ESYT2: variants seen among roughly 807,000 people sequenced by gnomAD.
The protein encoded by ESYT2 is extended synaptotagmin 2, also known as extended synaptotagmin-2.
A neutral mutation model predicts 107.2 loss-of-function variants in ESYT2; 54 were observed. That is an observed-to-expected ratio of 0.50 (90% CI 0.40 to 0.63). ESYT2 has a LOEUF of 0.63. Ranked by LOEUF, ESYT2 falls within the 30% of genes least tolerant of loss-of-function variation. The pLI is 0.00. For synonymous variants in ESYT2, 491 were observed against 434.1 expected, an observed-to-expected ratio of 1.13 and a Z score of -1.63; for missense variants, 1,020 against 1,094.5, an observed-to-expected ratio of 0.93 and a Z score of 0.96.
chr7:158,828,835 G>A (rs1472865414), intron 1 of ESYT2, among the ~76,000 whole-genome samples: 2 of 151,430 alleles, frequency 1.3e-5, no homozygotes, highest in African/African-American at 2.4e-5. Context: ...GGCGGGGCGG[G>A]GTCTGCACTC....
In ESYT2 at chr7:158,797,867, A is replaced by AG. The variant is rs893340757; in HGVS notation, c.507+74_507+75insC. 12 of 1,559,312 alleles carry AG rather than the reference A, an allele frequency of 7.7e-6. No individual in the cohort carries two copies. The African/African-American group carries it at 1.5e-4, about 20-fold the overall frequency. ...AGACTCCGTCTCAAGAAAAAAAAAA[A>AG]AAGAAAATGTGTTGTTTTGTGTTTT... On this transcript the variant is annotated intron_variant, in intron 3 of 22. Transcript: ENST00000275418.
chr7:158,761,115 C>T (rs572464037), intron 11 of ESYT2, among the ~76,000 whole-genome samples: 136 of 152,260 alleles, frequency 8.9e-4, no homozygotes, highest in African/African-American at 3.2e-3. Flanking sequence ...CCTCACTGGC[C>T]GCACTGTGCC....
chr7:158,786,573 C>T (rs1390452934), intron 6 of ESYT2, among the ~76,000 whole-genome samples: 3 of 152,086 alleles, frequency 2.0e-5, no homozygotes, highest in Admixed American at 1.3e-4. Flanking sequence ...CAAAATAAGC[C>T]CATTCTTTCA....
chr7:158,791,922 G>A (rs916651483), intron 4 of ESYT2, among the ~76,000 whole-genome samples: 8 of 151,724 alleles, frequency 5.3e-5, no homozygotes, highest in Middle Eastern at 3.4e-3. Flanking sequence ...ATCCATTAAG[G>A]TAGAATGTTT....
chr7:158,799,251 C>T (rs1325809719), intron 1 of ESYT2, among the ~76,000 whole-genome samples, 179 bp from the exon 2 acceptor site: 1 of 152,142 alleles, frequency 6.6e-6, no homozygotes, highest in African/African-American at 2.4e-5. Context: ...TGCATGGCAC[C>T]CCAGCTCTTT....
rs2129471014 is a variant in ESYT2, at chr7:158,733,080, G to C, written c.*1127C>G. The C allele has an allele frequency of 6.6e-6, 1 of 152,382 alleles. No homozygotes were observed. Among genetic ancestry groups the C allele is most frequent in the East Asian group, 1.9e-4 (1 of 5,190 alleles). 9.4% of individuals were successfully genotyped at this position (152,382 alleles called of 1,614,324 possible). On this transcript the variant is annotated 3_prime_UTR_variant, in exon 23 of 23. Coordinates refer to ENST00000275418, the MANE Select transcript of ESYT2 (RefSeq NM_001367773.1). ...AGGCAGCCTGGGAAGTGGCTGCTGA[G>C]AACAGCAGGGGCCGGGCTCGCAGCT...
At chr7:158,802,741 T>C (rs902390052) in intron 1 of ESYT2, among the ~76,000 whole-genome samples, 10 of 152,224 alleles carry the variant, frequency 6.6e-5, no homozygotes, top group African/African-American at 2.4e-4. Flanking sequence ...AGAATAAGTT[T>C]AGATAGGTAA....
At position 158,733,643 on chromosome 7, in the gene ESYT2, T is replaced by C. The variant is rs1836817966; in HGVS notation, c.*564A>G. On this transcript the variant is annotated 3_prime_UTR_variant, in exon 23 of 23. Coordinates refer to ENST00000275418, the MANE Select transcript of ESYT2 (RefSeq NM_001367773.1). ...TTTGAATACTTTATTTCATCTTTCA[T>C]AATGGGCAGAAACATACTAGCATTT... The C allele has an allele frequency of 6.6e-6, 1 of 152,414 alleles. No homozygotes were observed. Among genetic ancestry groups the C allele is most frequent in the East Asian group, 1.9e-4 (1 of 5,194 alleles). 9.4% of individuals were successfully genotyped at this position (152,414 alleles called of 1,614,324 possible).
chr7:158,737,215 A>G (rs1479149910), intron 19 of ESYT2, 36 bp from the exon 20 acceptor site: 1 of 1,599,888 alleles, frequency 6.3e-7, no homozygotes. Context: ...AGGTATTAGG[A>G]CCGAGAAAAA....
Position 158,732,818 on chromosome 7 carries a change from G to C in ESYT2, c.*1389C>G, listed in dbSNP as rs1197445424. ...TTAATATATTTACACATAGTTTTAA[G>C]ATGTTCTCATGGCTATGGAAGCCAT... is the stretch of plus-strand genomic sequence containing the variant. On this transcript the variant is annotated 3_prime_UTR_variant, in exon 23 of 23. Transcript: ENST00000275418. 2.0e-5 allele frequency: 3 copies of C among 152,416 alleles called. No individual in the cohort carries two copies. The highest frequency in any genetic ancestry group is 2.0e-4 in the Admixed American group (3 of 15,284). 9.4% of individuals were successfully genotyped at this position (152,416 alleles called of 1,614,324 possible). A position where few individuals can be genotyped will look rare whatever the true frequency, so the allele number is the denominator to read the frequency against.
intron 1 of ESYT2, among the ~76,000 whole-genome samples, chr7:158,807,138 C>A (rs1839852710): frequency 6.6e-6 from 1 of 151,234 alleles, no homozygotes; most frequent in Non-Finnish European, 1.5e-5. Context: ...GTAGTCCCAC[C>A]TACTCAGGAG....
chr7:158,758,852 G>A (rs986374853), intron 13 of ESYT2, among the ~76,000 whole-genome samples: 3 of 152,094 alleles, frequency 2.0e-5, no homozygotes, highest in Non-Finnish European at 2.9e-5. Context: ...CTGTGGTTAC[G>A]GTTATTACCT....
At chr7:158,755,513 TAAAC>T (rs1837724108) in intron 13 of ESYT2, among the ~76,000 whole-genome samples, 1 of 152,182 alleles carries the variant, frequency 6.6e-6, no homozygotes, top group African/African-American at 2.4e-5. Context: ...CTATTGGAGA[TAAAC>T]TAACAGTTTA....
chr7:158,793,683 T>G lies in ESYT2; in HGVS notation c.551A>C (p.Asp184Ala), dbSNP rs764062483. 3 of 1,613,444 alleles carry G rather than the reference T, an allele frequency of 1.9e-6. No individual in the cohort carries two copies. Among genetic ancestry groups the G allele is most frequent in the African/African-American group, 2.7e-5 (2 of 74,918 alleles). Residue 184 changes from aspartate to alanine, a missense_variant, in exon 4 of 23, where the codon GAC becomes GCC. By Grantham distance (126) the Asp-to-Ala change is moderately radical. Coordinates refer to ENST00000275418, the MANE Select transcript of ESYT2 (RefSeq NM_001367773.1). ...NGVKVYTENV[D>A]KRQIILDLQI... ...AAGGTCCAAAATAATTTGCCTTTTG[T>G]CTACATTTTCAGTGTATACCTTAAC...
chr7:158,819,581 A>G (rs2129474238), intron 1 of ESYT2, among the ~76,000 whole-genome samples: 1 of 152,350 alleles, frequency 6.6e-6, no homozygotes, highest in Middle Eastern at 3.4e-3. Flanking sequence ...ATCCAAACAT[A>G]TCATTAAAAC....
Position 158,731,914 on chromosome 7 carries a change from G to A in ESYT2, c.*2293C>T, listed in dbSNP as rs1157823443. 1 of 152,442 alleles carries A rather than the reference G, an allele frequency of 6.6e-6. No individual in the cohort carries two copies. The highest frequency in any genetic ancestry group is 1.5e-5 in the Non-Finnish European group (1 of 68,044). The allele number at this position is 152,442 out of a possible 1,614,324, so 9.4% of individuals were successfully genotyped here. On this transcript the variant is annotated 3_prime_UTR_variant, in exon 23 of 23. Coordinates refer to ENST00000275418, the MANE Select transcript of ESYT2 (RefSeq NM_001367773.1). ...CTCCACATCTGGGAGGCACTTCAGTGCCTCAGAATCACCCCCTTTTTTTAA... is the reference window on the plus strand; with the variant it reads ...CTCCACATCTGGGAGGCACTTCAGTACCTCAGAATCACCCCCTTTTTTTAA...
At chr7:158,821,961 TGAGCCACCGTGACACTG>T (rs996417557) in intron 1 of ESYT2, among the ~76,000 whole-genome samples, 3 of 152,140 alleles carry the variant, frequency 2.0e-5, no homozygotes, top group Non-Finnish European at 4.4e-5. Context: ...TCCTTTCTTC[TGAGCCACCGTGACACTG>T]GAGCCATCAC....
At chr7:158,775,924 A>G (rs564633838) in intron 6 of ESYT2, among the ~76,000 whole-genome samples, 1 of 152,292 alleles carries the variant, frequency 6.6e-6, no homozygotes, top group Non-Finnish European at 1.5e-5. Context: ...AAATAATAAG[A>G]CTTGAAAGTT....
At chr7:158,780,238 G>A (rs1378754895) in intron 6 of ESYT2, among the ~76,000 whole-genome samples, 3 of 152,212 alleles carry the variant, frequency 2.0e-5, no homozygotes, top group African/African-American at 7.2e-5. Context: ...ACAATGCACA[G>A]AGGCCACACG....
Sources: allele counts gnomAD v4.1 joint callset (sites outside exome capture counted in the v4.1 genomes callset), GRCh38; gene constraint gnomAD v4.1.1; transcripts MANE v1.5; gene names NCBI Gene and HGNC (gene_info 2026-07-23, HGNC 2026-07-21).